Variants in TTC39C observed in about 807,000 individuals in gnomAD.
TTC39C encodes the protein tetratricopeptide repeat protein 39C.
A neutral mutation model predicts 76.3 loss-of-function variants in TTC39C; 33 were observed. The ratio of observed to expected loss-of-function variants is 0.43; its 90% CI spans 0.33 to 0.58. The LOEUF (loss-of-function observed/expected upper bound fraction) is 0.58. Among genes scored for constraint, TTC39C ranks in the 20% least tolerant of loss-of-function variants. The pLI, the probability that TTC39C is intolerant of heterozygous loss-of-function variation, is 0.04. For missense variants in TTC39C, 595 were observed against 701.4 expected (o/e 0.85, Z 1.71); for synonymous variants, 254 against 260.6 (o/e 0.97, Z 0.24).
At chr18:24,117,489 G>A (rs970349543) in intron 7 of TTC39C, among the ~76,000 whole-genome samples, 7 of 151,946 alleles carry the variant, frequency 4.6e-5, no homozygotes, top group Non-Finnish European at 7.4e-5. Context: ...ATCACTTGAG[G>A]TCAGGAGTTC....
intron 6 of TTC39C, among the ~76,000 whole-genome samples, chr18:24,098,947 T>C (rs2084636230): frequency 6.6e-6 from 1 of 151,938 alleles, no homozygotes; most frequent in Non-Finnish European, 1.5e-5. Context: ...TTTCTTTTTT[T>C]AATCGAGTGT....
intron 1 of TTC39C, among the ~76,000 whole-genome samples, chr18:23,997,574 AAGAG>A (rs2083272879): frequency 1.4e-5 from 2 of 142,730 alleles, no homozygotes; most frequent in African/African-American, 5.3e-5. Flanking sequence ...AAAAAAAAAA[AAGAG>A]AAAGAAAGAA....
Position 24,015,100 on chromosome 18 carries a change from C to T in TTC39C, c.167+62C>T. 3 of 1,346,658 alleles carry T rather than the reference C, an allele frequency of 2.2e-6. No individual in the cohort carries two copies. The East Asian group carries it at 9.3e-5, about 42-fold the overall frequency. 83.4% of individuals were successfully genotyped at this position (1,346,658 alleles called of 1,614,324 possible). ...GCGCACCTCGTGTCCGGCTCACGCG[C>T]CTCGACCTGCGGCCCCCGGGAGCCC... On this transcript the variant is annotated intron_variant, in intron 1 of 13. Transcript: ENST00000317571.
chr18:24,001,823 G>GTTTTT (rs750295981), intron 1 of TTC39C, among the ~76,000 whole-genome samples: 14,767 of 55,382 alleles, frequency 0.27, 1,701 homozygotes, highest in East Asian at 0.48. Flanking sequence ...CGGTAATTCT[G>GTTTTT]TTTTTTTTTT....
At chr18:24,007,258 G>A (rs993434841) in intron 1 of TTC39C, among the ~76,000 whole-genome samples, 3 of 152,190 alleles carry the variant, frequency 2.0e-5, no homozygotes, top group East Asian at 1.9e-4. Flanking sequence ...ACATAGAGGT[G>A]CATTTTAAAA....
intron 1 of TTC39C, among the ~76,000 whole-genome samples, chr18:24,021,539 CTTTTTT>C (rs60505555): frequency 8.4e-6 from 1 of 118,864 alleles, no homozygotes; most frequent in South Asian, 2.7e-4. Context: ...TTCTTTCCTT[CTTTTTT>C]TTTTTTTTTT....
intron 4 of TTC39C, among the ~76,000 whole-genome samples, chr18:24,071,181 C>T (rs1248715494): frequency 6.6e-6 from 1 of 152,156 alleles, no homozygotes; most frequent in Non-Finnish European, 1.5e-5. Flanking sequence ...CCTGCCTCGG[C>T]CTCCCAAAGT....
rs966885206 is a variant in TTC39C at position 24,022,775 on chromosome 18, G to C, written c.167+7737G>C. ...CTCCGATGTCCTGTGATGTGGCCCT[G>C]TCTGCTTCCTGTCCTGCTGCCCTTG... On this transcript the variant is annotated intron_variant, in intron 1 of 13. Transcript: ENST00000317571. The C allele has an allele frequency of 7.1e-6, 7 of 985,256 alleles. No individual in the cohort carries two copies. The African/African-American group carries it at 1.2e-4, about 17-fold the overall frequency. The allele number at this position is 985,256 out of a possible 1,614,324, so 61.0% of individuals were successfully genotyped here.
intron 1 of TTC39C, among the ~76,000 whole-genome samples, chr18:24,022,124 T>G (rs1482878754): frequency 6.6e-6 from 1 of 152,118 alleles, no homozygotes; most frequent in African/African-American, 2.4e-5. Context: ...TATGGGAGGA[T>G]GTGTGTAGGT....
intron 6 of TTC39C, among the ~76,000 whole-genome samples, chr18:24,096,173 G>A (rs1253675965): frequency 2.0e-5 from 3 of 152,188 alleles, no homozygotes; most frequent in Non-Finnish European, 4.4e-5. Flanking sequence ...CACGAAGTGA[G>A]CTCATACTGT....
At chr18:24,021,208 C>T (rs1289434048) in intron 1 of TTC39C, among the ~76,000 whole-genome samples, 2 of 152,124 alleles carry the variant, frequency 1.3e-5, no homozygotes, top group Admixed American at 1.3e-4. Context: ...TTCAAAACTG[C>T]CTAGTGCTAG....
At chr18:24,009,649 C>T (rs556018568) in intron 1 of TTC39C, among the ~76,000 whole-genome samples, 219 of 152,354 alleles carry the variant, frequency 1.4e-3, no homozygotes, top group African/African-American at 5.1e-3. Flanking sequence ...CTCAAAGACA[C>T]ACCCCAGTCA....
chr18:24,088,847 A>C (rs958029358), intron 6 of TTC39C, among the ~76,000 whole-genome samples: 1 of 152,182 alleles, frequency 6.6e-6, no homozygotes, highest in Non-Finnish European at 1.5e-5. Flanking sequence ...TCTGTGTGAA[A>C]GACTTTCTTT....
chr18:24,064,124 T>C lies in TTC39C; in HGVS notation c.168-16T>C. The C allele has an allele frequency of 6.2e-7, 1 of 1,610,572 alleles. No homozygotes were observed. The highest frequency in any genetic ancestry group is 8.5e-7 in the Non-Finnish European group (1 of 1,177,974). ...AATAATTGTATTTTGTGTGTGTGTG[T>C]GTGTTTTTTTAACAGAAATCATAGC... On this transcript the variant is annotated splice_polypyrimidine_tract_variant and intron_variant, in intron 1 of 13. Transcript: ENST00000317571.
chr18:24,032,083 C>T (rs1237577636), intron 1 of TTC39C, among the ~76,000 whole-genome samples: 1 of 152,162 alleles, frequency 6.6e-6, no homozygotes, highest in East Asian at 1.9e-4. Flanking sequence ...CCGAATGCAG[C>T]CAGTCACCAG....
intron 12 of TTC39C, among the ~76,000 whole-genome samples, chr18:24,131,465 C>T (rs1037668710): frequency 1.3e-5 from 2 of 152,040 alleles, no homozygotes; most frequent in African/African-American, 4.8e-5. Context: ...GTAATCCCAG[C>T]ACTTTGGGAG....
intron 1 of TTC39C, among the ~76,000 whole-genome samples, chr18:24,058,471 A>G (rs1270778916): frequency 1.3e-5 from 2 of 152,136 alleles, no homozygotes; most frequent in Admixed American, 6.5e-5. Flanking sequence ...CATGGTCGAC[A>G]TGGTGAAACC....
At chr18:24,016,614 A>G (rs759429219) in intron 1 of TTC39C, 1 of 398,484 alleles carries the variant, frequency 2.5e-6, no homozygotes, top group Non-Finnish European at 4.4e-6. Context: ...TTTACATTGA[A>G]AGCATGAAAT....
chr18:24,075,650 C>T (rs902591010), intron 4 of TTC39C, among the ~76,000 whole-genome samples: 1 of 141,170 alleles, frequency 7.1e-6, no homozygotes, highest in African/African-American at 2.7e-5. Flanking sequence ...TGCCACTGCA[C>T]TGCAGCCTGA....
Sources: allele counts gnomAD v4.1 joint callset (sites outside exome capture counted in the v4.1 genomes callset), GRCh38; gene constraint gnomAD v4.1.1; transcripts MANE v1.5; gene names NCBI Gene and HGNC (gene_info 2026-07-23, HGNC 2026-07-21).